CNTNAP5: variants seen among roughly 807,000 people sequenced by gnomAD.
CNTNAP5 encodes contactin associated protein family member 5.
Under a neutral mutation model 150.2 loss-of-function variants are expected in CNTNAP5, and 72 were observed. The observed-to-expected ratio is 0.48, with a 90% CI of 0.40 to 0.58. The LOEUF is 0.58. CNTNAP5 is among the 20% of genes least tolerant of loss of function. The pLI is 0.00. For synonymous variants in CNTNAP5, 672 were observed against 619.8 expected (o/e 1.08, Z -1.25); for missense variants, 1,636 against 1,626.2 (o/e 1.01, Z -0.10).
intron 1 of CNTNAP5, among the ~76,000 whole-genome samples, chr2:124,116,326 A>C (rs1683428310): frequency 6.6e-6 from 1 of 152,210 alleles, no homozygotes. Context: ...CAGTCCCCAT[A>C]GCATGAGCAC....
At position 124,408,481 on chromosome 2, in the gene CNTNAP5, T is replaced by C. The variant is rs367837335; in HGVS notation, c.382-8962T>C. Among the ~76,000 whole-genome samples, 1,123 of 151,818 alleles carry C rather than the reference T, an allele frequency of 7.4e-3. 5 individuals carry two copies. The highest frequency in any genetic ancestry group is 0.011 in the Admixed American group (168 of 15,260). Reference sequence around the variant, plus strand: ...AGTAACCTCTGCAGACTTAAATGTCTCTGTCTGACAGCTTTGAAGAGAGCA... The same window carrying C: ...AGTAACCTCTGCAGACTTAAATGTCCCTGTCTGACAGCTTTGAAGAGAGCA... On this transcript the variant is annotated intron_variant, in intron 3 of 23. Coordinates refer to ENST00000682447, the MANE Select transcript of CNTNAP5 (RefSeq NM_001367498.1).
chr2:124,529,139 C>T (rs548328856), intron 10 of CNTNAP5, among the ~76,000 whole-genome samples: 2 of 150,134 alleles, frequency 1.3e-5, no homozygotes, highest in South Asian at 2.1e-4. Flanking sequence ...GTTTAGAGCT[C>T]GGAGAATAAA....
chr2:124,636,464 A>T (rs1000251529), intron 12 of CNTNAP5, among the ~76,000 whole-genome samples: 11 of 152,200 alleles, frequency 7.2e-5, no homozygotes, highest in Non-Finnish European at 1.2e-4. Context: ...TTGTGTGCAT[A>T]ACACCTGACA....
chr2:124,846,772 T>A (rs1163364356), intron 19 of CNTNAP5, among the ~76,000 whole-genome samples: 1 of 152,186 alleles, frequency 6.6e-6, no homozygotes, highest in African/African-American at 2.4e-5. Flanking sequence ...TCTCCTTTGA[T>A]GGGGTGTTCT....
intron 5 of CNTNAP5, among the ~76,000 whole-genome samples, chr2:124,436,702 G>A (rs1311130485): frequency 6.6e-6 from 1 of 152,162 alleles, no homozygotes; most frequent in Non-Finnish European, 1.5e-5. Context: ...ATAGATGGCA[G>A]GATAAGTCTT....
At chr2:124,497,961 T>C (rs1694190578) in intron 7 of CNTNAP5, among the ~76,000 whole-genome samples, 3 of 152,220 alleles carry the variant, frequency 2.0e-5, no homozygotes, top group Admixed American at 1.3e-4. Context: ...CTGTGTTCTC[T>C]GTGTCAAAAG....
At chr2:124,159,320 T>C (rs766703504) in intron 1 of CNTNAP5, among the ~76,000 whole-genome samples, 7 of 152,200 alleles carry the variant, frequency 4.6e-5, no homozygotes, top group African/African-American at 9.6e-5. Context: ...GGCTAGATAG[T>C]AAATATTTCT....
chr2:124,663,374 C>T (rs937359340), intron 13 of CNTNAP5, among the ~76,000 whole-genome samples: 1 of 152,100 alleles, frequency 6.6e-6, no homozygotes, highest in Non-Finnish European at 1.5e-5. Context: ...AGTAATCATT[C>T]CATAAGTTGC....
intron 7 of CNTNAP5, among the ~76,000 whole-genome samples, chr2:124,503,173 A>G (rs895863303): frequency 6.6e-6 from 1 of 152,208 alleles, no homozygotes; most frequent in Admixed American, 6.5e-5. Context: ...TCATGCAATA[A>G]TATGCTCATA....
At chr2:124,835,848 T>G (rs1343748326) in intron 19 of CNTNAP5, among the ~76,000 whole-genome samples, 4 of 152,158 alleles carry the variant, frequency 2.6e-5, no homozygotes, top group African/African-American at 9.7e-5. Context: ...CTCTTCTGAC[T>G]TACTAAAAAC....
At chr2:124,513,332 CT>C (rs1238728907) in intron 8 of CNTNAP5, among the ~76,000 whole-genome samples, 1 of 152,142 alleles carries the variant, frequency 6.6e-6, no homozygotes, top group African/African-American at 2.4e-5. Context: ...CCATAATTAC[CT>C]TTTTAAAGAT....
chr2:124,550,910 C>T (rs1342310250), intron 10 of CNTNAP5, among the ~76,000 whole-genome samples: 2 of 152,096 alleles, frequency 1.3e-5, no homozygotes, highest in Non-Finnish European at 2.9e-5. Flanking sequence ...TTCATAGGCT[C>T]AGGTGGTTTG....
chr2:124,733,122 T>C (rs116043385), intron 13 of CNTNAP5, among the ~76,000 whole-genome samples: 164 of 151,964 alleles, frequency 1.1e-3, no homozygotes, highest in African/African-American at 3.7e-3. Flanking sequence ...GGGGGAAATG[T>C]TAATACCTCC....
chr2:124,706,880 A>AAGAAGAGGAAGATGAAGAAGGAGAAGG (rs1558743191), intron 13 of CNTNAP5, among the ~76,000 whole-genome samples: 1 of 46,040 alleles, frequency 2.2e-5, no homozygotes, highest in Non-Finnish European at 3.9e-5. Flanking sequence ...GAAAGGGAAG[A>AAGAAGAGGAAGATGAAGAAGGAGAAGG]AGAAGAGGAA....
intron 13 of CNTNAP5, among the ~76,000 whole-genome samples, chr2:124,697,766 T>C (rs1290442374): frequency 1.3e-5 from 2 of 152,196 alleles, no homozygotes; most frequent in African/African-American, 4.8e-5. Context: ...GTTAATATCC[T>C]TGCACAATTA....
At chr2:124,710,523 C>T (rs531025690) in intron 13 of CNTNAP5, among the ~76,000 whole-genome samples, 5 of 152,106 alleles carry the variant, frequency 3.3e-5, no homozygotes, top group Non-Finnish European at 7.4e-5. Context: ...CATCCATTGT[C>T]GGTGAACCCA....
chr2:124,465,955 G>A (rs899591039), intron 6 of CNTNAP5, among the ~76,000 whole-genome samples: 7 of 152,078 alleles, frequency 4.6e-5, no homozygotes, highest in African/African-American at 1.7e-4. Context: ...GCATCATTGA[G>A]ATGGTGCCAT....
In CNTNAP5 at chr2:124,790,022, C is replaced by T. The variant is rs200361177; in HGVS notation, c.2873C>T (p.Pro958Leu). 488 of 1,613,910 alleles carry T rather than the reference C, an allele frequency of 3.0e-4. No homozygotes were observed. The highest frequency in any genetic ancestry group is 1.9e-3 in the African/African-American group (141 of 75,038). Residue 958 changes from proline (P) to leucine (L), a missense_variant, in exon 18 of 24, where the codon CCC becomes CTC. Physicochemically the swap from Pro to Leu is moderately conservative, Grantham distance 98 (BLOSUM62 -3). Coordinates refer to ENST00000682447, the MANE Select transcript of CNTNAP5 (RefSeq NM_001367498.1). ...KVTSGVRPGCPGHCSSYGSIC... is the reference protein window; with the variant it reads ...KVTSGVRPGCLGHCSSYGSIC... The stretch of plus-strand genomic sequence containing the variant: ...ACATCTGGAGTCAGGCCAGGCTGCC[C>T]CGGCCACTGCAGCAGCTACGGCAGC...
intron 14 of CNTNAP5, among the ~76,000 whole-genome samples, chr2:124,752,673 T>C (rs991884863): frequency 5.9e-5 from 9 of 152,342 alleles, no homozygotes; most frequent in African/African-American, 2.2e-4. Context: ...TACTGATTAA[T>C]GACTGTCTGC....
Sources: gnomAD v4.1 joint callset for allele counts (sites outside exome capture counted in the v4.1 genomes callset) on GRCh38, gnomAD v4.1.1 for gene constraint, MANE v1.5 for transcripts, NCBI Gene and HGNC (gene_info 2026-07-23, HGNC 2026-07-21) for gene names.